Variants in CR1 observed in about 807,000 individuals in gnomAD.
CR1 encodes the protein complement receptor type 1.
A neutral mutation model predicts 187.3 loss-of-function variants in CR1; 116 were observed. The ratio of observed to expected loss-of-function variants is 0.62; its 90% CI spans 0.53 to 0.72. The LOEUF (loss-of-function observed/expected upper bound fraction) is 0.72, where lower values mean the gene tolerates loss of function less well. Ranked by LOEUF, CR1 falls within the 30% of genes least tolerant of loss-of-function variation. The pLI, the probability that CR1 is intolerant of heterozygous loss-of-function variation, is 0.00. For missense variants in CR1, 1,731 were observed against 2,110.7 expected, an observed-to-expected ratio of 0.82 and a Z score of 3.52; for synonymous variants, 576 against 747.1, an observed-to-expected ratio of 0.77 and a Z score of 3.73.
At chr1:207,600,862 T>A (rs914648351) in intron 35 of CR1, 2 of 152,140 alleles carry the variant, frequency 1.3e-5, no homozygotes, top group Admixed American at 1.3e-4. Flanking sequence ...CAACCTGTAA[T>A]GGTAAGCCTT....
intron 4 of CR1, among the ~76,000 whole-genome samples, chr1:207,518,976 T>G (rs78768177): frequency 0.012 from 1,773 of 152,314 alleles, 44 homozygotes; most frequent in African/African-American, 0.041. Flanking sequence ...TTCTAGCAAT[T>G]TTTACTTTAT....
In CR1 at chr1:207,618,769, G is replaced by A. The variant is rs550005808; in HGVS notation, c.7066+522G>A. On this transcript the variant is annotated intron_variant, in intron 42 of 46. Transcript: ENST00000367049. ...AAGTTAAACAAAATAAAGTAGTCTG[G>A]GTGCGGTGGCTCACACCTGTAATCC... Among the ~76,000 whole-genome samples the A allele has an allele frequency of 3.3e-5, 5 of 152,256 alleles. 1 individual carries two copies. The East Asian group carries it at 9.6e-4, about 29-fold the overall frequency.
intron 1 of CR1, among the ~76,000 whole-genome samples, chr1:207,499,418 A>T (rs1411340660): frequency 6.6e-6 from 1 of 152,218 alleles, no homozygotes; most frequent in African/African-American, 2.4e-5. Flanking sequence ...GGAGACTTCT[A>T]TGATATCTTT....
chr1:207,618,710 T>G (rs925441485), intron 42 of CR1, among the ~76,000 whole-genome samples: 2 of 152,118 alleles, frequency 1.3e-5, no homozygotes, highest in Non-Finnish European at 2.9e-5. Flanking sequence ...GATGTACTGA[T>G]GGCTGGGCAG....
chr1:207,565,907 T>G lies in CR1; in HGVS notation c.3936T>G (p.Ser1312Arg), dbSNP rs971470532. Reference protein sequence around the residue: ...LAGMESLWNSSVPVCEQIFCP... With the variant: ...LAGMESLWNSRVPVCEQIFCP... ...GAATGGAAAGCCTTTGGAATAGCAG[T>G]GTTCCAGTGTGTGAACGTGAGTAAT... is the stretch of plus-strand genomic sequence containing the variant. Residue 1312 changes from serine to arginine, a missense_variant, in exon 24 of 47, where the codon AGT (serine) becomes AGG (arginine). Around this residue, in one of 5 missense-constraint regions of CR1, gnomAD observed 1,312 missense variants for 1,379.6 expected, o/e 0.95. Transcript: ENST00000367049. 5.0e-6 allele frequency: 8 copies of G among 1,611,086 alleles called. No individual in the cohort carries two copies. Among genetic ancestry groups the G allele is most frequent in the Non-Finnish European group, 6.8e-6 (8 of 1,179,766 alleles).
chr1:207,580,048 G>A (rs1326459276), intron 29 of CR1, among the ~76,000 whole-genome samples, 192 bp from the exon 30 acceptor site: 1 of 152,164 alleles, frequency 6.6e-6, no homozygotes, highest in African/African-American at 2.4e-5. Flanking sequence ...CACCAATACT[G>A]ATAACTTCAC....
chr1:207,507,074 G>C, intron 3 of CR1: 1 of 383,006 alleles, frequency 2.6e-6, no homozygotes, highest in Non-Finnish European at 4.8e-6. Context: ...GAAGAAAATG[G>C]GGGAAGAGTA....
chr1:207,595,775 G>A (rs901678494), intron 35 of CR1, among the ~76,000 whole-genome samples: 1 of 151,340 alleles, frequency 6.6e-6, no homozygotes, highest in South Asian at 2.1e-4. Context: ...AAATATTAAT[G>A]AGGCACAAAA....
In CR1 at chr1:207,523,809, C is replaced by T; in HGVS notation, c.686C>T (p.Ala229Val). The T allele has an allele frequency of 6.2e-7, 1 of 1,611,852 alleles. No homozygotes were observed. Among genetic ancestry groups the T allele is most frequent in the Non-Finnish European group, 8.5e-7 (1 of 1,179,720 alleles). Residue 229 changes from alanine (A) to valine (V), a missense_variant, in exon 5 of 47, where the codon GCC (alanine) becomes GTC (valine). Ala to Val is a moderately conservative substitution (Grantham distance 64). Transcript: ENST00000367049. ...CAAGTGGGCATCTGGAGCGGCCCCG[C>T]CCCTCAGTGCATTATACCTAACAAA... ...DDQVGIWSGP[A>V]PQCIIPNKCT...
chr1:207,620,021 A>C lies in CR1; in HGVS notation c.7208A>C (p.Gln2403Pro). 1 of 1,613,848 alleles carries C rather than the reference A, an allele frequency of 6.2e-7. No individual in the cohort carries two copies. The highest frequency in any genetic ancestry group is 8.5e-7 in the Non-Finnish European group (1 of 1,179,862). The part of the protein sequence containing the change: ...TLEGSPWSQC[Q>P]ADDRWDPPLA... ...GAAGGCAGTCCCTGGAGCCAGTGCC[A>C]GGCGGATGACAGATGGGACCCTCCT... Residue 2403 changes from glutamine to proline, a missense_variant, in exon 43 of 47, where the codon CAG (glutamine) becomes CCG (proline). By Grantham distance (76) the Gln-to-Pro change is moderately conservative. This residue lies in a region of CR1 where 1,312 missense variants were observed against 1,379.6 expected (regional missense o/e 0.95). Coordinates refer to ENST00000367049, the MANE Select transcript of CR1 (RefSeq NM_000651.6).
intron 1 of CR1, among the ~76,000 whole-genome samples, chr1:207,497,911 C>T (rs1385819498): frequency 1.3e-5 from 2 of 152,220 alleles, no homozygotes; most frequent in African/African-American, 2.4e-5. Flanking sequence ...CTGATGGATG[C>T]TTCCAGTGTG....
At chr1:207,604,911 G>A (rs978441206) in intron 35 of CR1, among the ~76,000 whole-genome samples, 1 of 152,060 alleles carries the variant, frequency 6.6e-6, no homozygotes, top group Non-Finnish European at 1.5e-5. Flanking sequence ...TTAGACAGGA[G>A]GAGTAAGTTT....
rs1489663010 is a variant in CR1 at position 207,617,501 on chromosome 1, ATATATATGTG to A, written c.6890-568_6890-559del. ...ACTTAAAGTATATATATATATATAT[ATATATATGTG>A]TGTGTGTGTGTGTGTGTGTGTGTGT... On this transcript the variant is annotated intron_variant, in intron 41 of 46. Coordinates refer to ENST00000367049, the MANE Select transcript of CR1 (RefSeq NM_000651.6). Among the ~76,000 whole-genome samples, 91 of 56,444 alleles carry A rather than the reference ATATATATGTG, an allele frequency of 1.6e-3. 10 individuals carry two copies. Among genetic ancestry groups the A allele is most frequent in the African/African-American group, 5.6e-3 (86 of 15,314 alleles). 37.0% of individuals were successfully genotyped at this position (56,444 alleles called of 152,430 possible). A position where few individuals can be genotyped will look rare whatever the true frequency, so the allele number is the denominator to read the frequency against.
At chr1:207,580,209 A>G (rs1372701199) in intron 29 of CR1, 31 bp from the exon 30 acceptor site, 1 of 1,609,568 alleles carries the variant, frequency 6.2e-7, no homozygotes, top group Non-Finnish European at 8.5e-7. Context: ...CCCCATAACT[A>G]ACAAGTACTC....
rs762125782 is a variant in CR1 at position 207,577,933 on chromosome 1, G to A, written c.4666G>A (p.Glu1556Lys). ...NLGSRGRKVFELVGEPSIYCT... is the reference protein window; with the variant it reads ...NLGSRGRKVFKLVGEPSIYCT... ...TGGAAGCAGAGGGAGAAAGGTGTTTGAGCTTGTGGGTGAGCCCTCCATATA... is the reference window on the plus strand; with the variant it reads ...TGGAAGCAGAGGGAGAAAGGTGTTTAAGCTTGTGGGTGAGCCCTCCATATA... The change falls in exon 29 of 47, where the codon GAG becomes AAG. Residue 1556 changes from glutamate to lysine, a missense_variant. This residue lies in a region of CR1 where 1,312 missense variants were observed against 1,379.6 expected (regional missense o/e 0.95). Coordinates refer to ENST00000367049, the MANE Select transcript of CR1 (RefSeq NM_000651.6). The A allele has an allele frequency of 4.3e-6, 7 of 1,612,240 alleles. No homozygotes were observed. The highest frequency in any genetic ancestry group is 5.9e-6 in the Non-Finnish European group (7 of 1,179,756).
Position 207,619,517 on chromosome 1 carries a change from G to T in CR1, c.7067-363G>T, listed in dbSNP as rs548178591. On this transcript the variant is annotated intron_variant, in intron 42 of 46. Coordinates refer to ENST00000367049, the MANE Select transcript of CR1 (RefSeq NM_000651.6). Reference sequence around the variant, plus strand: ...AATAAAGAGCAGAGTGCCAGTATTTGTTGTGAAGCCAGACAGAATTAACAT... The same window carrying T: ...AATAAAGAGCAGAGTGCCAGTATTTTTTGTGAAGCCAGACAGAATTAACAT... Among the ~76,000 whole-genome samples the T allele has an allele frequency of 6.6e-5, 10 of 152,248 alleles. No individual in the cohort carries two copies. In the East Asian group the frequency reaches 1.9e-3, roughly 29 times the overall value.
At chr1:207,579,421 T>C (rs1660868933) in intron 29 of CR1, among the ~76,000 whole-genome samples, 1 of 152,148 alleles carries the variant, frequency 6.6e-6, no homozygotes, top group Non-Finnish European at 1.5e-5. Flanking sequence ...GGGCAGGGCT[T>C]GTGTTCTGGT....
Position 207,618,212 on chromosome 1 carries a change from A to G in CR1, c.7031A>G (p.Gln2344Arg), listed in dbSNP as rs1298197379. 6.2e-7 allele frequency: 1 copy of G among 1,613,690 alleles called. No individual in the cohort carries two copies. Among genetic ancestry groups the G allele is most frequent in the Non-Finnish European group, 8.5e-7 (1 of 1,179,738 alleles). Residue 2344 changes from glutamine (Q) to arginine (R), a missense_variant, in exon 42 of 47, where the codon CAG (glutamine) becomes CGG (arginine). Coordinates refer to ENST00000367049, the MANE Select transcript of CR1 (RefSeq NM_000651.6). ...VGKGFIFCTD[Q>R]GIWSQLDHYC... ...AAGGGCTTCATTTTCTGTACAGACC[A>G]GGGAATCTGGAGCCAATTGGATCAT...
intron 28 of CR1, among the ~76,000 whole-genome samples, chr1:207,577,261 C>G (rs75487212): frequency 7.2e-6 from 1 of 139,108 alleles, no homozygotes. Flanking sequence ...AACAAACAAA[C>G]AAACAAAAAA....
Sources: allele counts gnomAD v4.1 joint callset (sites outside exome capture counted in the v4.1 genomes callset), GRCh38; gene constraint gnomAD v4.1.1; regional missense constraint gnomAD v4.1.1; transcripts MANE v1.5; gene names NCBI Gene and HGNC (gene_info 2026-07-23, HGNC 2026-07-21).